ETFA: variants seen among roughly 807,000 people sequenced by gnomAD.
ETFA encodes electron transfer flavoprotein subunit alpha, mitochondrial.
In ETFA, 22 loss-of-function variants were observed where a neutral mutation model predicts 46.2. The ratio of observed to expected loss-of-function variants is 0.48; its 90% CI spans 0.34 to 0.68. The LOEUF is 0.68. Among genes scored for constraint, ETFA ranks in the 30% least tolerant of loss-of-function variants. ETFA has a pLI of 0.01. For synonymous variants in ETFA, 131 were observed against 139.9 expected, an observed-to-expected ratio of 0.94 and a Z score of 0.45; for missense variants, 345 against 401.1, an observed-to-expected ratio of 0.86 and a Z score of 1.19.
At position 76,267,120 on chromosome 15, in the gene ETFA, A is replaced by G. The variant is rs1596208790; in HGVS notation, c.816+7292T>C. On this transcript the variant is annotated intron_variant, in intron 9 of 11. Coordinates refer to ENST00000557943, the MANE Select transcript of ETFA (RefSeq NM_000126.4). ...GGAACTTCCATCAATTGAGGAAAAA[A>G]TTCAGCAAGCACAAGTAGAACGAAT... is the stretch of plus-strand genomic sequence containing the variant. Among the ~76,000 whole-genome samples, 3 of 152,332 alleles carry G rather than the reference A, an allele frequency of 2.0e-5. No individual in the cohort carries two copies. The East Asian group carries it at 5.8e-4, about 29-fold the overall frequency.
chr15:76,271,777 T>G (rs967665725), intron 9 of ETFA, among the ~76,000 whole-genome samples: 26 of 152,230 alleles, frequency 1.7e-4, no homozygotes, highest in African/African-American at 4.1e-4. Flanking sequence ...ATAGGTTTTT[T>G]GTTCTCTACT....
chr15:76,295,586 C>T lies in ETFA; in HGVS notation c.186+5G>A, dbSNP rs777332340. ...TTGCTATGGCTGACCTTAAAAATTT[C>T]TCACCTTGTCACATTTGGTTCCAGC... On this transcript the variant is annotated splice_donor_5th_base_variant and intron_variant, in intron 2 of 11. Transcript: ENST00000557943. 1 of 1,612,748 alleles carries T rather than the reference C, an allele frequency of 6.2e-7. No individual in the cohort carries two copies. The highest frequency in any genetic ancestry group is 1.3e-5 in the African/African-American group (1 of 74,858).
At chr15:76,217,940 G>T (rs1383996314) in intron 11 of ETFA, among the ~76,000 whole-genome samples, 1 of 152,172 alleles carries the variant, frequency 6.6e-6, no homozygotes, top group Non-Finnish European at 1.5e-5. Context: ...CCTATTAAAA[G>T]GCCCATGTTT....
chr15:76,308,457 G>A (rs1221067326), intron 1 of ETFA, among the ~76,000 whole-genome samples: 1 of 152,170 alleles, frequency 6.6e-6, no homozygotes, highest in Admixed American at 6.5e-5. Context: ...CTAATATGAT[G>A]CACGGGGAAC....
At chr15:76,262,898 C>G (rs1231600394) in intron 9 of ETFA, among the ~76,000 whole-genome samples, 1 of 152,028 alleles carries the variant, frequency 6.6e-6, no homozygotes, top group Non-Finnish European at 1.5e-5. Flanking sequence ...ACAATGAAGA[C>G]CAGAAGACAA....
Position 76,216,611 on chromosome 15 carries a change from C to T in ETFA, c.964-14G>A. The T allele has an allele frequency of 6.4e-7, 1 of 1,554,644 alleles. No individual in the cohort carries two copies. Among genetic ancestry groups the T allele is most frequent in the Non-Finnish European group, 8.9e-7 (1 of 1,125,988 alleles). On this transcript the variant is annotated splice_polypyrimidine_tract_variant and intron_variant, in intron 11 of 11. Transcript: ENST00000557943. ...TTCAGGAACTACCTGCAAATAAAAA[C>T]AAAAAGTAATTAAGCAACTAGAGCC...
At chr15:76,267,069 T>C (rs1390434675) in intron 9 of ETFA, among the ~76,000 whole-genome samples, 1 of 152,230 alleles carries the variant, frequency 6.6e-6, no homozygotes, top group Admixed American at 6.5e-5. Context: ...TAACAGTAAA[T>C]GCTCCCTGTT....
At chr15:76,306,255 G>GT (rs1211353413) in intron 1 of ETFA, among the ~76,000 whole-genome samples, 1 of 120,430 alleles carries the variant, frequency 8.3e-6, no homozygotes, top group Non-Finnish European at 1.7e-5. Context: ...GCAGGGGAGG[G>GT]TTTTTTTGCT....
intron 9 of ETFA, chr15:76,261,454 G>C (rs1452986712): frequency 5.5e-6 from 5 of 912,634 alleles, no homozygotes; most frequent in Non-Finnish European, 8.7e-6. Context: ...CTGGACCACA[G>C]ACCCATCCTT....
chr15:76,260,706 G>A, intron 9 of ETFA: 1 of 1,604,946 alleles, frequency 6.2e-7, no homozygotes. Flanking sequence ...GCCTGAATCT[G>A]TGTGGATGGC....
In ETFA at chr15:76,259,744, G is replaced by C; in HGVS notation, c.816+14668C>G. The stretch of plus-strand genomic sequence containing the variant: ...CCCCTGCCAGCATGCAGTTCCGAGC[G>C]GCCAGGTCTCGGTGGATGAAGTTCC... On this transcript the variant is annotated intron_variant, in intron 9 of 11. Transcript: ENST00000557943. 2.8e-6 allele frequency: 4 copies of C among 1,443,054 alleles called. No homozygotes were observed. The South Asian group carries it at 4.7e-5, about 17-fold the overall frequency. The allele number at this position is 1,443,054 out of a possible 1,614,324, so 89.4% of individuals were successfully genotyped here.
In ETFA at chr15:76,292,485, A is replaced by C; in HGVS notation, c.297T>G (p.Thr99=). The change falls in exon 4 of 12, where the codon ACT becomes ACG. Residue 99 remains threonine (T), a synonymous_variant. Coordinates refer to ENST00000557943, the MANE Select transcript of ETFA (RefSeq NM_000126.4). Reference sequence around the variant, plus strand: ...TGTGTGTGTAATTGAACTGCTTCTGAGTTGCCAAAATCAATGGTGTCAGTT... The same window carrying C: ...TGTGTGTGTAATTGAACTGCTTCTGCGTTGCCAAAATCAATGGTGTCAGTT... The part of the protein sequence containing the change: ...PEELTPLILA[T]QKQFNYTHIC... The C allele has an allele frequency of 6.2e-7, 1 of 1,613,916 alleles. No individual in the cohort carries two copies. The highest frequency in any genetic ancestry group is 8.5e-7 in the Non-Finnish European group (1 of 1,179,756).
chr15:76,249,602 C>T (rs930355000), intron 9 of ETFA, among the ~76,000 whole-genome samples: 5 of 151,870 alleles, frequency 3.3e-5, no homozygotes, highest in Non-Finnish European at 5.9e-5. Flanking sequence ...CCACCACGCC[C>T]AGCTAATTTT....
intron 9 of ETFA, chr15:76,259,264 T>A (rs2141491503): frequency 6.4e-7 from 1 of 1,566,758 alleles, no homozygotes; most frequent in Non-Finnish European, 8.8e-7. Context: ...GGGTCCTGGC[T>A]GGCGGATAGC....
intron 9 of ETFA, among the ~76,000 whole-genome samples, chr15:76,233,632 A>G (rs141409918): frequency 2.6e-5 from 4 of 152,260 alleles, no homozygotes; most frequent in African/African-American, 7.2e-5. Flanking sequence ...CCAGCCTTCA[A>G]TAGGTAATTT....
chr15:76,244,390 C>T (rs1422114920), intron 9 of ETFA, among the ~76,000 whole-genome samples: 2 of 151,854 alleles, frequency 1.3e-5, no homozygotes, highest in African/African-American at 4.8e-5. Context: ...TGGAGTATAC[C>T]CTCCTGTCTC....
At chr15:76,304,110 TAAA>T (rs1383115110) in intron 1 of ETFA, among the ~76,000 whole-genome samples, 2 of 152,090 alleles carry the variant, frequency 1.3e-5, no homozygotes, top group Admixed American at 6.5e-5. Flanking sequence ...ACACAGCCAT[TAAA>T]AAGAATGAGA....
Position 76,216,169 on chromosome 15 carries a change from A to T in ETFA, c.*390T>A, listed in dbSNP as rs1325475014. 2 of 187,920 alleles carry T rather than the reference A, an allele frequency of 1.1e-5. No homozygotes were observed. The highest frequency in any genetic ancestry group is 4.8e-5 in the African/African-American group (2 of 41,896). The allele number at this position is 187,920 out of a possible 1,614,324, so 11.6% of individuals were successfully genotyped here. On this transcript the variant is annotated 3_prime_UTR_variant, in exon 12 of 12. Transcript: ENST00000557943. ...TAGGTTGATTAGGCTGGTGGAGACA[A>T]TCATGTTTACAATCTTCCTAAAACA...
At chr15:76,219,545 A>G (rs1451453072) in intron 11 of ETFA, among the ~76,000 whole-genome samples, 1 of 152,262 alleles carries the variant, frequency 6.6e-6, no homozygotes, top group Non-Finnish European at 1.5e-5. Flanking sequence ...GCTAACCTAC[A>G]GAATGAGAGA....
Sources: gnomAD v4.1 joint callset for allele counts (sites outside exome capture counted in the v4.1 genomes callset) on GRCh38, gnomAD v4.1.1 for gene constraint, MANE v1.5 for transcripts, NCBI Gene and HGNC (gene_info 2026-07-23, HGNC 2026-07-21) for gene names.